The following CNKSR3 variants were observed in gnomAD, a reference collection of about 807,000 sequenced individuals.
CNKSR3 encodes the protein connector enhancer of kinase suppressor of ras 3.
CNKSR3 carries 36 observed loss-of-function variants against 67.7 expected under a neutral mutation model. The ratio of observed to expected loss-of-function variants is 0.53; its 90% CI spans 0.41 to 0.70. The LOEUF is 0.70. CNKSR3 is among the 30% of genes least tolerant of loss of function. The pLI, the probability that CNKSR3 is intolerant of heterozygous loss-of-function variation, is 0.00. For synonymous variants in CNKSR3, 281 were observed against 271.4 expected, an observed-to-expected ratio of 1.04 and a Z score of -0.35; for missense variants, 630 against 695.2, an observed-to-expected ratio of 0.91 and a Z score of 1.05.
chr6:154,419,934 G>C (rs1785104651), intron 9 of CNKSR3, among the ~76,000 whole-genome samples: 1 of 151,970 alleles, frequency 6.6e-6, no homozygotes, highest in South Asian at 2.1e-4. Flanking sequence ...ACAAAAATTA[G>C]CTGGGCGTAG....
intron 1 of CNKSR3, among the ~76,000 whole-genome samples, chr6:154,462,962 A>G (rs1031668700): frequency 9.9e-5 from 15 of 152,204 alleles, no homozygotes; most frequent in African/African-American, 2.9e-4. Flanking sequence ...TGAAAGAGAA[A>G]AAAAGGAAGG....
chr6:154,424,871 A>G (rs1008245200), intron 7 of CNKSR3, among the ~76,000 whole-genome samples: 8 of 152,262 alleles, frequency 5.3e-5, no homozygotes, highest in African/African-American at 1.4e-4. Flanking sequence ...TCCCAGGCTC[A>G]AGCCATTCTC....
At chr6:154,422,893 G>A (rs1248299659) in intron 8 of CNKSR3, 22 bp downstream of exon 8, 2 of 1,566,064 alleles carry the variant, frequency 1.3e-6, no homozygotes, top group South Asian at 1.2e-5. Context: ...GAGGAAAATT[G>A]AGCCTCAATA....
At position 154,388,972 on chromosome 6, in the gene CNKSR3, T is replaced by C. The variant is rs1784578772; in HGVS notation, c.*17382A>G. 1 of 151,016 alleles carries C rather than the reference T, an allele frequency of 6.6e-6. No homozygotes were observed. The highest frequency in any genetic ancestry group is 6.6e-5 in the Admixed American group (1 of 15,104). 9.4% of individuals were successfully genotyped at this position (151,016 alleles called of 1,614,324 possible). A position where few individuals can be genotyped will look rare whatever the true frequency, so the allele number is the denominator to read the frequency against. On this transcript the variant is annotated 3_prime_UTR_variant, in exon 13 of 13. Transcript: ENST00000607772. ...TTTTTTTTTGCTATTGAGTTATGAA[T>C]TCCTTACATATTTTAGATGTCAACC... is the stretch of plus-strand genomic sequence containing the variant.
At position 154,395,039 on chromosome 6, in the gene CNKSR3, C is replaced by T. The variant is rs2128708451; in HGVS notation, c.*11315G>A. 6.6e-6 allele frequency: 1 copy of T among 152,336 alleles called. No individual in the cohort carries two copies. The highest frequency in any genetic ancestry group is 1.9e-4 in the East Asian group (1 of 5,192). 9.4% of individuals were successfully genotyped at this position (152,336 alleles called of 1,614,324 possible). On this transcript the variant is annotated 3_prime_UTR_variant, in exon 13 of 13. Transcript: ENST00000607772. ...GAAGGCTAAAGACCAGAGCAAGAGACCAAAATGCAGGGAGTACAGGTGGAA... is the reference window on the plus strand; with the variant it reads ...GAAGGCTAAAGACCAGAGCAAGAGATCAAAATGCAGGGAGTACAGGTGGAA...
chr6:154,432,004 C>T (rs1785378215), intron 5 of CNKSR3, among the ~76,000 whole-genome samples: 1 of 152,148 alleles, frequency 6.6e-6, no homozygotes, highest in African/African-American at 2.4e-5. Context: ...AAATTTTCAA[C>T]TCCTTTGGGT....
intron 9 of CNKSR3, among the ~76,000 whole-genome samples, chr6:154,419,087 G>T (rs1785082955): frequency 6.7e-6 from 1 of 149,064 alleles, no homozygotes; most frequent in South Asian, 2.1e-4. Flanking sequence ...GTCACTCAGG[G>T]TGGATGCGGT....
At chr6:154,421,530 C>T (rs1785143753) in intron 9 of CNKSR3, among the ~76,000 whole-genome samples, 1 of 152,208 alleles carries the variant, frequency 6.6e-6, no homozygotes, top group Non-Finnish European at 1.5e-5. Context: ...GAAATAAGCA[C>T]TAAGGACCAA....
chr6:154,439,449 C>T (rs905705568), intron 4 of CNKSR3, among the ~76,000 whole-genome samples: 4 of 152,340 alleles, frequency 2.6e-5, no homozygotes, highest in Admixed American at 2.6e-4. Flanking sequence ...TCTCCTCTCC[C>T]TACATTGCAG....
chr6:154,447,072 G>A (rs566374766), intron 2 of CNKSR3, among the ~76,000 whole-genome samples: 1 of 152,262 alleles, frequency 6.6e-6, no homozygotes, highest in South Asian at 2.1e-4. Flanking sequence ...CCAAAGTGCT[G>A]AGATTACAGG....
intron 1 of CNKSR3, among the ~76,000 whole-genome samples, chr6:154,471,880 T>TGGGG (rs1357548093): frequency 6.6e-6 from 1 of 152,170 alleles, no homozygotes; most frequent in Non-Finnish European, 1.5e-5. Flanking sequence ...GCCATCATAC[T>TGGGG]GGGGGTTTTG....
At chr6:154,406,776 T>G (rs1784802567) in intron 12 of CNKSR3, 124 bp from the exon 13 acceptor site, 1 of 781,936 alleles carries the variant, frequency 1.3e-6, no homozygotes, top group African/African-American at 1.8e-5. Context: ...TAGACCATCC[T>G]GGCCAACATG....
intron 1 of CNKSR3, among the ~76,000 whole-genome samples, chr6:154,471,065 A>G (rs1010762898): frequency 1.3e-5 from 2 of 152,210 alleles, no homozygotes; most frequent in African/African-American, 2.4e-5. Flanking sequence ...TAAATACCAG[A>G]CAGTGGAAGA....
At chr6:154,430,352 G>A (rs946244083) in intron 6 of CNKSR3, 120 bp downstream of exon 6, 5 of 777,112 alleles carry the variant, frequency 6.4e-6, no homozygotes, top group Non-Finnish European at 8.0e-6. Context: ...ATAATGGAAG[G>A]CAGTCTAAAT....
chr6:154,490,142 T>A (rs1485123360), intron 1 of CNKSR3, among the ~76,000 whole-genome samples: 1 of 152,178 alleles, frequency 6.6e-6, no homozygotes, highest in Non-Finnish European at 1.5e-5. Flanking sequence ...TAAAGTCAGC[T>A]CAGTTTTACA....
Position 154,404,988 on chromosome 6 carries a change from T to A in CNKSR3, c.*1366A>T, listed in dbSNP as rs1384311105. 1 of 152,148 alleles carries A rather than the reference T, an allele frequency of 6.6e-6. No homozygotes were observed. Among genetic ancestry groups the A allele is most frequent in the African/African-American group, 2.4e-5 (1 of 41,410 alleles). The allele number at this position is 152,148 out of a possible 1,614,324, so 9.4% of individuals were successfully genotyped here. A position where few individuals can be genotyped will look rare whatever the true frequency, so the allele number is the denominator to read the frequency against. ...TTTTCATGGGCTGAATTCCAGGCAG[T>A]TCAGCAAACTCAACAATTCCGGTGG... On this transcript the variant is annotated 3_prime_UTR_variant, in exon 13 of 13. Transcript: ENST00000607772.
intron 1 of CNKSR3, among the ~76,000 whole-genome samples, chr6:154,502,118 G>C (rs1787010132): frequency 6.6e-6 from 1 of 152,052 alleles, no homozygotes. Context: ...CGTTATGCAA[G>C]GGGCTTTCCC....
intron 7 of CNKSR3, among the ~76,000 whole-genome samples, chr6:154,425,089 A>G (rs934597796): frequency 6.6e-6 from 1 of 152,160 alleles, no homozygotes; most frequent in Non-Finnish European, 1.5e-5. Context: ...GATTTCTTAC[A>G]TCACTTAAAA....
Position 154,494,424 on chromosome 6 carries a change from C to T in CNKSR3, c.52+15639G>A, listed in dbSNP as rs1051538863. On this transcript the variant is annotated intron_variant, in intron 1 of 12. Coordinates refer to ENST00000607772, the MANE Select transcript of CNKSR3 (RefSeq NM_173515.4). ...ACTCAAGATGAGATTTGGTTGGGGACACAGCCAAACTGTATCAATGGGGTT... is the reference window on the plus strand; with the variant it reads ...ACTCAAGATGAGATTTGGTTGGGGATACAGCCAAACTGTATCAATGGGGTT... 3.9e-5 allele frequency among the ~76,000 whole-genome samples: 6 copies of T among 152,246 alleles called. No individual in the cohort carries two copies. The East Asian group carries it at 1.2e-3, about 29-fold the overall frequency.
Sources: allele counts gnomAD v4.1 joint callset (sites outside exome capture counted in the v4.1 genomes callset), GRCh38; gene constraint gnomAD v4.1.1; transcripts MANE v1.5; gene names NCBI Gene and HGNC (gene_info 2026-07-23, HGNC 2026-07-21).